Variants in FAM117B observed in about 807,000 individuals in gnomAD.
The protein encoded by FAM117B is family with sequence similarity 117 member B.
FAM117B carries 22 observed loss-of-function variants against 52.8 expected under a neutral mutation model. The ratio of observed to expected loss-of-function variants is 0.42; its 90% CI spans 0.30 to 0.59. The LOEUF is 0.59. Ranked by LOEUF, FAM117B falls within the 20% of genes least tolerant of loss-of-function variation. FAM117B has a pLI of 0.22. For synonymous variants in FAM117B, 309 were observed against 324.1 expected (o/e 0.95, Z 0.50); for missense variants, 678 against 802.6 (o/e 0.84, Z 1.88).
chr2:202,716,636 A>G (rs1049920867), intron 2 of FAM117B, among the ~76,000 whole-genome samples: 2 of 152,192 alleles, frequency 1.3e-5, no homozygotes, highest in Non-Finnish European at 2.9e-5. Flanking sequence ...TGTAAGGCCT[A>G]TAACTATTCA....
At chr2:202,643,459 A>G (rs1689798571) in intron 1 of FAM117B, among the ~76,000 whole-genome samples, 1 of 152,196 alleles carries the variant, frequency 6.6e-6, no homozygotes, top group Non-Finnish European at 1.5e-5. Flanking sequence ...AAGTTGAGAA[A>G]GTAAGCTACT....
chr2:202,736,934 T>G (rs1433652171), intron 4 of FAM117B, among the ~76,000 whole-genome samples: 1 of 152,116 alleles, frequency 6.6e-6, no homozygotes, highest in Non-Finnish European at 1.5e-5. Flanking sequence ...TAATGCTATA[T>G]CTCTTTCCCC....
intron 1 of FAM117B, among the ~76,000 whole-genome samples, chr2:202,681,768 G>A (rs1181942735): frequency 6.6e-6 from 1 of 152,214 alleles, no homozygotes; most frequent in African/African-American, 2.4e-5. Flanking sequence ...ATAGGGACAG[G>A]AGGCAGGGAA....
intron 4 of FAM117B, among the ~76,000 whole-genome samples, chr2:202,737,008 T>A (rs1691449155): frequency 6.6e-6 from 1 of 152,164 alleles, no homozygotes; most frequent in Non-Finnish European, 1.5e-5. Flanking sequence ...CTGATGGGAC[T>A]TGTGGGAAGT....
rs115332101 is a variant in FAM117B, at chr2:202,742,566, C to T, written c.961-12972C>T. Among the ~76,000 whole-genome samples the T allele has an allele frequency of 4.5e-3, 680 of 152,252 alleles. 5 individuals are homozygous for T. Among genetic ancestry groups the T allele is most frequent in the African/African-American group, 0.015 (632 of 41,536 alleles). The stretch of plus-strand genomic sequence containing the variant: ...AAGGATCTAAATGTAAACAACAAAA[C>T]CATGTAAGTATTAGAAGACATTAGT... On this transcript the variant is annotated intron_variant, in intron 4 of 7. Transcript: ENST00000392238.
At chr2:202,678,914 G>A (rs1037185189) in intron 1 of FAM117B, among the ~76,000 whole-genome samples, 5 of 152,144 alleles carry the variant, frequency 3.3e-5, no homozygotes, top group African/African-American at 1.2e-4. Flanking sequence ...TGCTGGCCCA[G>A]CTCTAAGAGC....
intron 4 of FAM117B, among the ~76,000 whole-genome samples, chr2:202,727,906 A>G (rs889961761): frequency 8.5e-5 from 13 of 152,236 alleles, no homozygotes; most frequent in African/African-American, 3.1e-4. Context: ...GTAAAGGTAT[A>G]GACTTTTTCA....
chr2:202,732,763 C>G lies in FAM117B; in HGVS notation c.960+6400C>G, dbSNP rs145325849. ...CTGAACCTGGGCGGCAGAGGTTGTG[C>G]TGAGCTGAGATCGCACCACTGCACT... is the stretch of plus-strand genomic sequence containing the variant. On this transcript the variant is annotated intron_variant, in intron 4 of 7. Coordinates refer to ENST00000392238, the MANE Select transcript of FAM117B (RefSeq NM_173511.4). Among the ~76,000 whole-genome samples, 1,283 of 151,742 alleles carry G rather than the reference C, an allele frequency of 8.5e-3. 22 individuals carry two copies. Among genetic ancestry groups the G allele is most frequent in the African/African-American group, 0.029 (1,212 of 41,356 alleles).
chr2:202,726,389 C>G (rs1435772109), intron 4 of FAM117B, 26 bp downstream of exon 4: 1 of 1,515,916 alleles, frequency 6.6e-7, no homozygotes, highest in Non-Finnish European at 9.0e-7. Flanking sequence ...CCACAAAATC[C>G]AGAAAAGGAA....
chr2:202,653,256 A>G (rs939683923), intron 1 of FAM117B, among the ~76,000 whole-genome samples: 3 of 152,230 alleles, frequency 2.0e-5, no homozygotes, highest in African/African-American at 7.2e-5. Context: ...CAACAGAGTA[A>G]GACCCTGTCT....
chr2:202,731,308 CAG>C (rs1293925288), intron 4 of FAM117B, among the ~76,000 whole-genome samples: 2 of 93,338 alleles, frequency 2.1e-5, no homozygotes, highest in East Asian at 3.7e-4. Context: ...TAATAAGTGT[CAG>C]GGGAGGATGT....
chr2:202,654,632 T>C (rs561550423), intron 1 of FAM117B, among the ~76,000 whole-genome samples: 1 of 151,984 alleles, frequency 6.6e-6, no homozygotes, highest in Non-Finnish European at 1.5e-5. Context: ...CTGTGTACAG[T>C]AAGAGGTAAT....
At chr2:202,702,743 C>T (rs561494019) in intron 2 of FAM117B, among the ~76,000 whole-genome samples, 172 of 152,110 alleles carry the variant, frequency 1.1e-3, no homozygotes, top group African/African-American at 3.9e-3. Context: ...TTAGTAGAGA[C>T]GGGGTTTCAC....
intron 1 of FAM117B, among the ~76,000 whole-genome samples, chr2:202,672,176 T>G (rs1044461647): frequency 6.6e-6 from 1 of 152,208 alleles, no homozygotes; most frequent in Non-Finnish European, 1.5e-5. Context: ...ATTTACATGT[T>G]GAGCATATAA....
At chr2:202,654,665 CTTT>C (rs753974102) in intron 1 of FAM117B, among the ~76,000 whole-genome samples, 2 of 137,412 alleles carry the variant, frequency 1.5e-5, no homozygotes, top group Admixed American at 7.4e-5. Context: ...CCTTTGTAAT[CTTT>C]TTTTTTTTTT....
intron 1 of FAM117B, among the ~76,000 whole-genome samples, chr2:202,667,039 A>C (rs1220516724): frequency 6.6e-6 from 1 of 152,134 alleles, no homozygotes; most frequent in Non-Finnish European, 1.5e-5. Flanking sequence ...AGAGTTTAAA[A>C]ATAGAGTAAA....
At chr2:202,737,185 C>A (rs1368447735) in intron 4 of FAM117B, among the ~76,000 whole-genome samples, 1 of 151,934 alleles carries the variant, frequency 6.6e-6, no homozygotes, top group African/African-American at 2.4e-5. Context: ...AAAAAAAATT[C>A]TTCCCACATT....
intron 2 of FAM117B, among the ~76,000 whole-genome samples, chr2:202,715,072 C>T (rs1003031296): frequency 1.1e-4 from 16 of 152,186 alleles, no homozygotes; most frequent in Non-Finnish European, 1.6e-4. Context: ...GGGGTGGTGG[C>T]GGGGCAGAGG....
chr2:202,737,696 G>C (rs1039110683), intron 4 of FAM117B, among the ~76,000 whole-genome samples: 4 of 152,008 alleles, frequency 2.6e-5, no homozygotes, highest in Admixed American at 1.3e-4. Context: ...CTGCCTCTTG[G>C]GTTCAAGCGA....
Sources: gnomAD v4.1 joint callset for allele counts (sites outside exome capture counted in the v4.1 genomes callset) on GRCh38, gnomAD v4.1.1 for gene constraint, MANE v1.5 for transcripts, NCBI Gene and HGNC (gene_info 2026-07-23, HGNC 2026-07-21) for gene names.